The following CNTNAP2 variants were observed in gnomAD, a reference collection of about 807,000 sequenced individuals.
CNTNAP2 encodes contactin associated protein 2.
Under a neutral mutation model 155.2 loss-of-function variants are expected in CNTNAP2, and 98 were observed. The ratio of observed to expected loss-of-function variants is 0.63; its 90% CI spans 0.54 to 0.75. CNTNAP2 has a LOEUF of 0.75. CNTNAP2 is among the 30% of genes least tolerant of loss of function. The pLI is 0.00. For synonymous variants in CNTNAP2, 651 were observed against 631.2 expected, an observed-to-expected ratio of 1.03 and a Z score of -0.47; for missense variants, 1,727 against 1,688.1, an observed-to-expected ratio of 1.02 and a Z score of -0.40.
chr7:146,222,573 T>TGTGTGTGTGTGC (rs1362333975), intron 1 of CNTNAP2, among the ~76,000 whole-genome samples: 2 of 138,616 alleles, frequency 1.4e-5, no homozygotes, highest in African/African-American at 5.1e-5. Flanking sequence ...TGTGTGTGTG[T>TGTGTGTGTGTGC]GTGCGTGCAC....
At chr7:147,210,142 T>A (rs1803114812) in intron 8 of CNTNAP2, among the ~76,000 whole-genome samples, 1 of 152,020 alleles carries the variant, frequency 6.6e-6, no homozygotes, top group Non-Finnish European at 1.5e-5. Flanking sequence ...CCTCCTTGGT[T>A]TTTTGGAATC....
At chr7:147,017,734 T>C (rs1216077992) in intron 3 of CNTNAP2, among the ~76,000 whole-genome samples, 1 of 152,094 alleles carries the variant, frequency 6.6e-6, no homozygotes, top group Admixed American at 6.6e-5. Context: ...AAAATGATTC[T>C]TGTACAAATA....
At chr7:147,997,349 T>C (rs1361366038) in intron 15 of CNTNAP2, among the ~76,000 whole-genome samples, 2 of 149,810 alleles carry the variant, frequency 1.3e-5, no homozygotes, top group South Asian at 4.3e-4. Flanking sequence ...AGGTTGGGAG[T>C]TCAAGACCAG....
At chr7:147,007,162 G>A (rs1273210280) in intron 3 of CNTNAP2, among the ~76,000 whole-genome samples, 1 of 151,992 alleles carries the variant, frequency 6.6e-6, no homozygotes, top group Non-Finnish European at 1.5e-5. Flanking sequence ...TACCTTTAGG[G>A]TGAGCCAAGT....
At chr7:146,697,797 T>C (rs1800807517) in intron 1 of CNTNAP2, among the ~76,000 whole-genome samples, 1 of 152,204 alleles carries the variant, frequency 6.6e-6, no homozygotes, top group Non-Finnish European at 1.5e-5. Context: ...ATTAATGATA[T>C]ATTTATATTA....
At chr7:146,292,502 A>G (rs1183478775) in intron 1 of CNTNAP2, among the ~76,000 whole-genome samples, 1 of 152,174 alleles carries the variant, frequency 6.6e-6, no homozygotes, top group Non-Finnish European at 1.5e-5. Flanking sequence ...GAATGTGGAG[A>G]AAAGGAACTC....
At chr7:146,725,898 G>T (rs1424000483) in intron 1 of CNTNAP2, among the ~76,000 whole-genome samples, 1 of 152,098 alleles carries the variant, frequency 6.6e-6, no homozygotes, top group Non-Finnish European at 1.5e-5. Context: ...AGACTGATTT[G>T]AGTAATAATA....
intron 3 of CNTNAP2, among the ~76,000 whole-genome samples, chr7:146,982,895 T>C (rs1228024506): frequency 6.6e-6 from 1 of 152,144 alleles, no homozygotes; most frequent in Non-Finnish European, 1.5e-5. Flanking sequence ...ATGTTTGATA[T>C]CTGTTTGTTA....
In CNTNAP2 at chr7:148,160,096, T is replaced by C. The variant is rs571924580; in HGVS notation, c.2774-12146T>C. 2.0e-5 allele frequency among the ~76,000 whole-genome samples: 3 copies of C among 152,246 alleles called. No homozygotes were observed. The East Asian group carries it at 5.8e-4, about 29-fold the overall frequency. On this transcript the variant is annotated intron_variant, in intron 17 of 23. Coordinates refer to ENST00000361727, the MANE Select transcript of CNTNAP2 (RefSeq NM_014141.6). ...TCTACCAAAAAATACAAAAATTGGC[T>C]GGATGTGGTGGCACACACCTGTAAT...
intron 3 of CNTNAP2, among the ~76,000 whole-genome samples, chr7:146,846,088 T>C (rs1377557441): frequency 6.6e-6 from 1 of 152,224 alleles, no homozygotes; most frequent in African/African-American, 2.4e-5. Flanking sequence ...GAATTTTGTC[T>C]GCATGCGAAA....
intron 23 of CNTNAP2, among the ~76,000 whole-genome samples, chr7:148,412,910 T>C (rs1473449371): frequency 6.6e-6 from 1 of 152,214 alleles, no homozygotes; most frequent in Non-Finnish European, 1.5e-5. Context: ...GTATTGGAAG[T>C]TTTCCAAATG....
chr7:147,176,979 T>A (rs1243561167), intron 8 of CNTNAP2, among the ~76,000 whole-genome samples: 3 of 139,304 alleles, frequency 2.2e-5, no homozygotes, highest in Non-Finnish European at 4.6e-5. Flanking sequence ...ATATATAAAA[T>A]TATAGATATA....
chr7:147,162,292 C>T (rs967736508), intron 8 of CNTNAP2: 2 of 152,104 alleles, frequency 1.3e-5, no homozygotes, highest in Non-Finnish European at 2.9e-5. Context: ...ATCTGCAGAG[C>T]ACATTTAGTA....
intron 8 of CNTNAP2, among the ~76,000 whole-genome samples, chr7:147,213,614 G>C (rs536535222): frequency 6.6e-6 from 1 of 152,056 alleles, no homozygotes; most frequent in African/African-American, 2.4e-5. Context: ...TCTTCAGAGA[G>C]ATAGAATCAA....
intron 13 of CNTNAP2, among the ~76,000 whole-genome samples, chr7:147,755,596 G>A (rs562116109): frequency 6.6e-6 from 1 of 152,200 alleles, no homozygotes; most frequent in African/African-American, 2.4e-5. Flanking sequence ...AGGTTGCAGA[G>A]AGCCAAAATC....
At chr7:147,140,742 T>C (rs1448310531) in intron 8 of CNTNAP2, among the ~76,000 whole-genome samples, 4 of 152,060 alleles carry the variant, frequency 2.6e-5, no homozygotes, top group Non-Finnish European at 2.9e-5. Context: ...ATGGCCAAGA[T>C]CCTAGGATCG....
chr7:147,577,927 T>G (rs1022328247), intron 12 of CNTNAP2, among the ~76,000 whole-genome samples: 1 of 152,060 alleles, frequency 6.6e-6, no homozygotes, highest in African/African-American at 2.4e-5. Flanking sequence ...TATCCAGTAT[T>G]TCCATACACA....
rs369572493 is a variant in CNTNAP2, at chr7:147,868,073, C to A, written c.2099-35492C>A. On this transcript the variant is annotated intron_variant, in intron 13 of 23. Transcript: ENST00000361727. ...CGGTTTTTCTGCTCTGGTTTCTCCC[C>A]ATCTTTGTGGTTTTATCTACCTTTG... Among the ~76,000 whole-genome samples, 49 of 145,524 alleles carry A rather than the reference C, an allele frequency of 3.4e-4. 1 individual carries two copies. The highest frequency in any genetic ancestry group is 1.0e-3 in the African/African-American group (42 of 40,166).
intron 9 of CNTNAP2, among the ~76,000 whole-genome samples, chr7:147,320,487 T>G (rs917091893): frequency 6.6e-6 from 1 of 152,200 alleles, no homozygotes; most frequent in Non-Finnish European, 1.5e-5. Flanking sequence ...TTCCAATACA[T>G]AGGACATTTT....
Sources: gnomAD v4.1 joint callset for allele counts (sites outside exome capture counted in the v4.1 genomes callset) on GRCh38, gnomAD v4.1.1 for gene constraint, MANE v1.5 for transcripts, NCBI Gene and HGNC (gene_info 2026-07-23, HGNC 2026-07-21) for gene names.